BLTP3B: variants seen among roughly 807,000 people sequenced by gnomAD.
BLTP3B encodes the protein UHRF1 (ICBP90) binding protein 1-like.
the BLTP3B span, among the ~76,000 whole-genome samples, chr12:100,048,765 AGAGTGAGT>A: frequency 3.3e-5 from 4 of 121,742 alleles, no homozygotes; most frequent in African/African-American, 1.3e-4. Context: ...AGAGAGAGTG[AGAGTGAGT>A]GTGTGTGTGT....
At chr12:100,047,712 G>C in the BLTP3B span, 2 of 1,162,418 alleles carry the variant, frequency 1.7e-6, no homozygotes, top group East Asian at 4.8e-5. Context: ...GATAACACAT[G>C]TATCTTTATA....
the BLTP3B span, among the ~76,000 whole-genome samples, chr12:100,135,387 G>C: frequency 6.6e-6 from 1 of 150,548 alleles, no homozygotes; most frequent in South Asian, 2.1e-4. Context: ...TCCCATCTCA[G>C]CCTCTCTAGT....
the BLTP3B span, chr12:100,059,603 C>G: frequency 6.9e-7 from 1 of 1,455,444 alleles, no homozygotes; most frequent in Non-Finnish European, 9.1e-7. Context: ...AAGAACATGA[C>G]TTAGCTCAGA....
At chr12:100,120,205 C>A in the BLTP3B span, among the ~76,000 whole-genome samples, 1 of 152,012 alleles carries the variant, frequency 6.6e-6, no homozygotes, top group African/African-American at 2.4e-5. Flanking sequence ...GGCAAAACCT[C>A]ATTTCTACTA....
chr12:100,045,153 T>C, the BLTP3B span, among the ~76,000 whole-genome samples: 1 of 151,996 alleles, frequency 6.6e-6, no homozygotes, highest in Non-Finnish European at 1.5e-5. Flanking sequence ...AGAATCAATA[T>C]CGTGAAAATG....
chr12:100,055,677 C>CACA, the BLTP3B span, among the ~76,000 whole-genome samples: 3 of 83,372 alleles, frequency 3.6e-5, no homozygotes, highest in Non-Finnish European at 8.1e-5. Flanking sequence ...AACTACATCT[C>CACA]AAAAAAAAAA....
At chr12:100,125,050 G>T in the BLTP3B span, among the ~76,000 whole-genome samples, 1 of 138,402 alleles carries the variant, frequency 7.2e-6, no homozygotes, top group African/African-American at 2.6e-5. Context: ...TGGGCATTGA[G>T]GCCGGGCACA....
chr12:100,108,048 T>C, the BLTP3B span, among the ~76,000 whole-genome samples: 1 of 152,158 alleles, frequency 6.6e-6, no homozygotes, highest in African/African-American at 2.4e-5. Context: ...AGCAACTCAC[T>C]ACAAGTTTAG....
At chr12:100,141,402 T>C in the BLTP3B span, among the ~76,000 whole-genome samples, 2 of 147,702 alleles carry the variant, frequency 1.4e-5, no homozygotes, top group African/African-American at 2.5e-5. Context: ...TGTGTATATA[T>C]GTGTATATAT....
chr12:100,053,027 T>C, the BLTP3B span, among the ~76,000 whole-genome samples: 1 of 151,566 alleles, frequency 6.6e-6, no homozygotes, highest in African/African-American at 2.4e-5. Flanking sequence ...TCTCCTGACT[T>C]CGCGATCCAC....
the BLTP3B span, among the ~76,000 whole-genome samples, chr12:100,044,135 T>C: frequency 6.6e-6 from 1 of 152,174 alleles, no homozygotes; most frequent in East Asian, 1.9e-4. Flanking sequence ...TTTTGGGAGC[T>C]AACACATTTG....
the BLTP3B span, among the ~76,000 whole-genome samples, chr12:100,089,374 C>A: frequency 6.6e-6 from 1 of 152,108 alleles, no homozygotes; most frequent in Non-Finnish European, 1.5e-5. Context: ...GCCTCGCTAA[C>A]ATGCTGAAAC....
the BLTP3B span, among the ~76,000 whole-genome samples, chr12:100,061,308 A>G: frequency 6.6e-6 from 1 of 152,046 alleles, no homozygotes; most frequent in Non-Finnish European, 1.5e-5. Context: ...CACAGAAAGA[A>G]CCCCGATAGC....
the BLTP3B span, among the ~76,000 whole-genome samples, chr12:100,134,935 C>T: frequency 6.6e-6 from 1 of 152,196 alleles, no homozygotes; most frequent in Non-Finnish European, 1.5e-5. Context: ...CAATTTCTCT[C>T]TCACCTAAAT....
the BLTP3B span, among the ~76,000 whole-genome samples, chr12:100,089,768 CA>C: frequency 6.6e-6 from 1 of 152,082 alleles, no homozygotes; most frequent in Non-Finnish European, 1.5e-5. Flanking sequence ...GCCCTGTATA[CA>C]CTGTTATATA....
At chr12:100,073,596 T>A in the BLTP3B span, among the ~76,000 whole-genome samples, 1 of 152,052 alleles carries the variant, frequency 6.6e-6, no homozygotes, top group East Asian at 1.9e-4. Flanking sequence ...TATATATAAT[T>A]ATTATTGTAA....
the BLTP3B span, among the ~76,000 whole-genome samples, chr12:100,074,784 A>G: frequency 1.3e-5 from 2 of 152,166 alleles, no homozygotes; most frequent in Non-Finnish European, 2.9e-5. Context: ...GAGACATTAC[A>G]TAACTATACT....
At chr12:100,097,024 G>A in the BLTP3B span, among the ~76,000 whole-genome samples, 3 of 152,082 alleles carry the variant, frequency 2.0e-5, no homozygotes, top group Non-Finnish European at 4.4e-5. Context: ...AGGTTTCAGT[G>A]AGCCTTGATC....
At chr12:100,040,311 G>A in the BLTP3B span, among the ~76,000 whole-genome samples, 1 of 151,932 alleles carries the variant, frequency 6.6e-6, no homozygotes, top group Non-Finnish European at 1.5e-5. Flanking sequence ...TGGGAGAACT[G>A]CTTGAGACCA....
Sources: allele counts gnomAD v4.1 joint callset (sites outside exome capture counted in the v4.1 genomes callset), GRCh38; gene constraint gnomAD v4.1.1; transcripts MANE v1.5; gene names NCBI Gene and HGNC (gene_info 2026-07-23, HGNC 2026-07-21).